The following NRXN1 variants were observed in gnomAD, a reference collection of about 807,000 sequenced individuals.
NRXN1 encodes neurexin 1.
In NRXN1, 39 loss-of-function variants were observed where a neutral mutation model predicts 150.9. The ratio of observed to expected loss-of-function variants is 0.26; its 90% CI spans 0.20 to 0.34. NRXN1 has a LOEUF of 0.34. Among genes scored for constraint, NRXN1 ranks in the 10% least tolerant of loss-of-function variants. The pLI is 1.00. For synonymous variants in NRXN1, 924 were observed against 757.0 expected (o/e 1.22, Z -3.62); for missense variants, 1,815 against 1,949.9 (o/e 0.93, Z 1.30).
intron 5 of NRXN1, among the ~76,000 whole-genome samples, chr2:50,843,942 A>G (rs1673239592): frequency 6.6e-6 from 1 of 152,108 alleles, no homozygotes; most frequent in South Asian, 2.1e-4. Context: ...TCAGCCTTAA[A>G]CCAAACTTCC....
chr2:50,136,545 T>C (rs758788758), intron 18 of NRXN1, among the ~76,000 whole-genome samples: 9 of 152,204 alleles, frequency 5.9e-5, no homozygotes, highest in South Asian at 2.1e-4. Flanking sequence ...TAATGCACCA[T>C]ACTCTAACAG....
chr2:49,969,543 T>C (rs188199690), intron 21 of NRXN1: 4 of 148,426 alleles, frequency 2.7e-5, no homozygotes, highest in East Asian at 4.0e-4. Context: ...AATTACACCT[T>C]ATTATAAATA....
At chr2:49,965,576 T>C (rs749513938) in intron 21 of NRXN1, among the ~76,000 whole-genome samples, 2 of 152,108 alleles carry the variant, frequency 1.3e-5, no homozygotes, top group African/African-American at 2.4e-5. Flanking sequence ...CCTAGGTTTT[T>C]ATATATAAAT....
intron 17 of NRXN1, among the ~76,000 whole-genome samples, chr2:50,400,624 T>C (rs1015049892): frequency 9.9e-5 from 15 of 152,062 alleles, no homozygotes; most frequent in East Asian, 3.9e-4. Flanking sequence ...AAAGGTTCCA[T>C]TGGACTAATG....
chr2:50,644,838 T>C (rs1684585053), intron 5 of NRXN1, among the ~76,000 whole-genome samples: 1 of 143,606 alleles, frequency 7.0e-6, no homozygotes, highest in South Asian at 2.1e-4. Context: ...TCAGGTAGGA[T>C]ATTTATATTT....
At chr2:50,116,391 T>A (rs113102742) in intron 18 of NRXN1, among the ~76,000 whole-genome samples, 7 of 152,172 alleles carry the variant, frequency 4.6e-5, no homozygotes, top group African/African-American at 1.7e-4. Context: ...AAAGCCTCCA[T>A]CTAGGCTTGG....
intron 21 of NRXN1, among the ~76,000 whole-genome samples, chr2:49,993,751 G>GAAA (rs200145722): frequency 6.6e-6 from 1 of 152,044 alleles, no homozygotes; most frequent in African/African-American, 2.4e-5. Flanking sequence ...AGAAATCATG[G>GAAA]AAAAAATAGA....
intron 8 of NRXN1, among the ~76,000 whole-genome samples, chr2:50,613,084 C>T (rs1678455238): frequency 6.6e-6 from 1 of 152,140 alleles, no homozygotes. Context: ...TCCACAAACC[C>T]CATCTAGCTT....
At chr2:50,126,058 T>A (rs889115488) in intron 18 of NRXN1, among the ~76,000 whole-genome samples, 1 of 151,942 alleles carries the variant, frequency 6.6e-6, no homozygotes, top group Non-Finnish European at 1.5e-5. Flanking sequence ...AAAGAAAAAA[T>A]TACAGTCTTA....
intron 17 of NRXN1, among the ~76,000 whole-genome samples, chr2:50,305,045 G>A (rs2074493568): frequency 6.6e-6 from 1 of 152,092 alleles, no homozygotes; most frequent in African/African-American, 2.4e-5. Flanking sequence ...AGCCAAGATT[G>A]CTCCACTGCA....
At chr2:50,709,100 A>G (rs1479299404) in intron 5 of NRXN1, among the ~76,000 whole-genome samples, 1 of 152,142 alleles carries the variant, frequency 6.6e-6, no homozygotes, top group African/African-American at 2.4e-5. Context: ...GCCCCTCCTC[A>G]CAGCACTGAT....
At chr2:50,397,883 G>A (rs935756383) in intron 17 of NRXN1, among the ~76,000 whole-genome samples, 1 of 151,964 alleles carries the variant, frequency 6.6e-6, no homozygotes, top group Non-Finnish European at 1.5e-5. Context: ...CATTCTAATG[G>A]CAATCAATTA....
intron 21 of NRXN1, among the ~76,000 whole-genome samples, chr2:50,035,859 T>G (rs563216332): frequency 6.6e-6 from 1 of 152,244 alleles, no homozygotes; most frequent in South Asian, 2.1e-4. Flanking sequence ...AAAGTGATCT[T>G]TGAATAATGG....
intron 15 of NRXN1, among the ~76,000 whole-genome samples, chr2:50,484,371 G>T (rs1234711383): frequency 1.3e-5 from 2 of 152,088 alleles, no homozygotes; most frequent in African/African-American, 2.4e-5. Context: ...ATTTCCTAGT[G>T]CATGTCTCCA....
intron 8 of NRXN1, among the ~76,000 whole-genome samples, chr2:50,560,969 C>CA (rs937345444): frequency 2.0e-5 from 3 of 151,334 alleles, no homozygotes; most frequent in Admixed American, 6.6e-5. Flanking sequence ...TTATTTAAAA[C>CA]AAAAAAATAG....
At chr2:50,950,082 C>A (rs1438498291) in intron 2 of NRXN1, among the ~76,000 whole-genome samples, 3 of 152,128 alleles carry the variant, frequency 2.0e-5, no homozygotes, top group African/African-American at 7.2e-5. Context: ...TATCTCCTGG[C>A]CTGATGTTTA....
At chr2:50,722,009 G>A (rs1696722240) in intron 5 of NRXN1, among the ~76,000 whole-genome samples, 1 of 152,110 alleles carries the variant, frequency 6.6e-6, no homozygotes, top group African/African-American at 2.4e-5. Context: ...AGAGAAAAAT[G>A]TCTGAATTTC....
At chr2:50,149,362 T>C (rs1296695221) in intron 18 of NRXN1, among the ~76,000 whole-genome samples, 2 of 151,732 alleles carry the variant, frequency 1.3e-5, no homozygotes, top group African/African-American at 4.8e-5. Flanking sequence ...TGGAGATATA[T>C]CCACACCAAA....
intron 21 of NRXN1, among the ~76,000 whole-genome samples, chr2:49,955,973 TAGA>T (rs1674865525): frequency 6.6e-6 from 1 of 152,160 alleles, no homozygotes; most frequent in Non-Finnish European, 1.5e-5. Context: ...TCAGAACATT[TAGA>T]ATACTGTGGT....
Sources: gnomAD v4.1 joint callset for allele counts (sites outside exome capture counted in the v4.1 genomes callset) on GRCh38, gnomAD v4.1.1 for gene constraint, MANE v1.5 for transcripts, NCBI Gene and HGNC (gene_info 2026-07-23, HGNC 2026-07-21) for gene names.